Variants in MTARC2 observed in about 807,000 individuals in gnomAD.
MTARC2 encodes mitochondrial amidoxime reducing component 2, also known as MOCO sulphurase C-terminal domain containing 2.
Under a neutral mutation model 35.6 loss-of-function variants are expected in MTARC2, and 27 were observed. The observed-to-expected ratio is 0.76, with a 90% CI of 0.56 to 1.04. MTARC2 has a LOEUF of 1.04. MTARC2 is among the 50% of genes least tolerant of loss of function. The pLI is 0.00. For missense variants in MTARC2, 412 were observed against 432.5 expected, an observed-to-expected ratio of 0.95 and a Z score of 0.42; for synonymous variants, 158 against 167.1, an observed-to-expected ratio of 0.95 and a Z score of 0.42.
At chr1:220,760,721 G>C (rs1282372846) in intron 2 of MTARC2, among the ~76,000 whole-genome samples, 1 of 152,086 alleles carries the variant, frequency 6.6e-6, no homozygotes, top group Non-Finnish European at 1.5e-5. Context: ...ACACTTGAAA[G>C]CTTAAGAAAC....
rs536641114 is a variant in MTARC2 at position 220,757,418 on chromosome 1, G to A, written c.446+2298G>A. ...TTTATAAGCTATTTTTAATGGATTC[G>A]TTGCCAAGGGAACTGCTAAAAACTG... On this transcript the variant is annotated intron_variant, in intron 2 of 7. Transcript: ENST00000366913. 3.3e-4 allele frequency among the ~76,000 whole-genome samples: 51 copies of A among 152,314 alleles called. 1 individual carries two copies. The highest frequency in any genetic ancestry group is 6.2e-4 in the South Asian group (3 of 4,824).
At chr1:220,764,316 C>G (rs1671520906) in intron 4 of MTARC2, among the ~76,000 whole-genome samples, 1 of 152,138 alleles carries the variant, frequency 6.6e-6, no homozygotes, top group Non-Finnish European at 1.5e-5. Flanking sequence ...CAGTCTTGAA[C>G]TCCTGACCTC....
At chr1:220,770,692 A>G (rs1180560067) in intron 4 of MTARC2, 1 of 471,538 alleles carries the variant, frequency 2.1e-6, no homozygotes, top group Non-Finnish European at 2.8e-6. Flanking sequence ...GCCTTTGGGA[A>G]TTCAATTGGT....
intron 2 of MTARC2, among the ~76,000 whole-genome samples, chr1:220,756,018 A>G (rs1258714253): frequency 1.3e-5 from 2 of 152,192 alleles, no homozygotes; most frequent in Admixed American, 6.5e-5. Flanking sequence ...GAGCTTTTCA[A>G]GTTGACTCTG....
chr1:220,755,310 T>C (rs1671245456), intron 2 of MTARC2, among the ~76,000 whole-genome samples, 190 bp downstream of exon 2: 1 of 152,160 alleles, frequency 6.6e-6, no homozygotes, highest in South Asian at 2.1e-4. Flanking sequence ...TCAGGGTACC[T>C]AGGATTTGTT....
At chr1:220,754,105 A>T (rs1446079479) in intron 1 of MTARC2, among the ~76,000 whole-genome samples, 1 of 152,216 alleles carries the variant, frequency 6.6e-6, no homozygotes, top group African/African-American at 2.4e-5. Context: ...CTAAACTGTG[A>T]TATTGAAATT....
At chr1:220,752,552 A>G (rs365693) in intron 1 of MTARC2, among the ~76,000 whole-genome samples, 52,326 of 152,104 alleles carry the variant, frequency 0.34, 11,380 homozygotes, top group East Asian at 0.7. Flanking sequence ...GGATCTAAAG[A>G]CATCTTTGAC....
intron 1 of MTARC2, among the ~76,000 whole-genome samples, chr1:220,752,567 C>G (rs544967323): frequency 2.7e-4 from 41 of 152,318 alleles, no homozygotes; most frequent in Non-Finnish European, 5.1e-4. Flanking sequence ...TTTGACCAGG[C>G]AGGATGGCTC....
intron 2 of MTARC2, among the ~76,000 whole-genome samples, chr1:220,761,367 A>G (rs1336567801): frequency 1.3e-5 from 2 of 152,246 alleles, no homozygotes; most frequent in Non-Finnish European, 2.9e-5. Flanking sequence ...TTAGGCATAC[A>G]GAAGCTTGTT....
intron 1 of MTARC2, 54 bp from the exon 2 acceptor site, chr1:220,754,893 T>C (rs1671233520): frequency 2.0e-6 from 3 of 1,478,964 alleles, no homozygotes; most frequent in Non-Finnish European, 1.8e-6. Context: ...GGAGGGAAGC[T>C]GTTGGGAGGT....
At chr1:220,773,777 G>A (rs12048861) in intron 4 of MTARC2, among the ~76,000 whole-genome samples, 3,611 of 152,042 alleles carry the variant, frequency 0.024, 110 homozygotes, top group African/African-American at 0.064. Flanking sequence ...AAGATGTGCT[G>A]TTGGGATTAT....
At chr1:220,754,776 C>T (rs1671230476) in intron 1 of MTARC2, among the ~76,000 whole-genome samples, 171 bp from the exon 2 acceptor site, 1 of 152,214 alleles carries the variant, frequency 6.6e-6, no homozygotes, top group Admixed American at 6.5e-5. Flanking sequence ...TCTGGGGTCA[C>T]CAACTTTTAG....
chr1:220,781,970 A>G (rs1672086825), intron 7 of MTARC2, 38 bp downstream of exon 7: 1 of 1,502,668 alleles, frequency 6.7e-7, no homozygotes, highest in African/African-American at 1.4e-5. Flanking sequence ...CGCTGTCTTG[A>G]AGCCATTGCT....
intron 1 of MTARC2, among the ~76,000 whole-genome samples, chr1:220,753,067 A>C (rs889198535): frequency 6.7e-6 from 1 of 149,574 alleles, no homozygotes; most frequent in Non-Finnish European, 1.5e-5. Flanking sequence ...AAAAAAAAAA[A>C]AATACAAAAA....
At position 220,760,250 on chromosome 1, in the gene MTARC2, G is replaced by A. The variant is rs571077790; in HGVS notation, c.447-1408G>A. Among the ~76,000 whole-genome samples the A allele has an allele frequency of 1.3e-4, 20 of 152,352 alleles. No homozygotes were observed. In the South Asian group the frequency reaches 4.1e-3, roughly 32 times the overall value. ...TGAAAAATGCTGGTGTTGATAAAGA[G>A]GGTGATGTTAATGACAGGGTAAAAT... On this transcript the variant is annotated intron_variant, in intron 2 of 7. Transcript: ENST00000366913.
intron 4 of MTARC2, among the ~76,000 whole-genome samples, chr1:220,770,186 G>T (rs998237832): frequency 6.6e-6 from 1 of 152,042 alleles, no homozygotes. Context: ...TTTTGTAAGT[G>T]AACTCGTTTA....
At chr1:220,775,460 G>T (rs1378634441) in intron 4 of MTARC2, among the ~76,000 whole-genome samples, 2 of 152,174 alleles carry the variant, frequency 1.3e-5, no homozygotes, top group African/African-American at 4.8e-5. Flanking sequence ...TAAGCGTCTC[G>T]AGCTGATTTT....
chr1:220,765,554 G>C (rs1671557770), intron 4 of MTARC2, among the ~76,000 whole-genome samples: 1 of 152,162 alleles, frequency 6.6e-6, no homozygotes, highest in African/African-American at 2.4e-5. Context: ...CCAAGGCCAG[G>C]CCCAGTCACT....
intron 1 of MTARC2, among the ~76,000 whole-genome samples, chr1:220,751,875 G>GC (rs1396414912): frequency 2.6e-5 from 4 of 152,176 alleles, no homozygotes; most frequent in African/African-American, 4.8e-5. Flanking sequence ...TTCAGATCTG[G>GC]CAGAATAGAA....
Sources: gnomAD v4.1 joint callset for allele counts (sites outside exome capture counted in the v4.1 genomes callset) on GRCh38, gnomAD v4.1.1 for gene constraint, MANE v1.5 for transcripts, NCBI Gene and HGNC (gene_info 2026-07-23, HGNC 2026-07-21) for gene names.